BANK1: variants seen among roughly 807,000 people sequenced by gnomAD.
BANK1 encodes B-cell scaffold protein with ankyrin repeats.
In BANK1, 95 loss-of-function variants were observed where a neutral mutation model predicts 94.5. The observed-to-expected ratio is 1.00, with a 90% CI of 0.85 to 1.19. The LOEUF (loss-of-function observed/expected upper bound fraction) is 1.19, where lower values mean the gene tolerates loss of function less well. Among genes scored for constraint, BANK1 ranks in the 50% most tolerant of loss-of-function variants. The pLI, the probability that BANK1 is intolerant of heterozygous loss-of-function variation, is 0.00. For synonymous variants in BANK1, 334 were observed against 308.4 expected (o/e 1.08, Z -0.87); for missense variants, 987 against 932.2 (o/e 1.06, Z -0.77).
intron 1 of BANK1, among the ~76,000 whole-genome samples, chr4:101,822,897 G>A (rs1296465827): frequency 6.6e-6 from 1 of 152,090 alleles, no homozygotes; most frequent in Non-Finnish European, 1.5e-5. Flanking sequence ...TTACACATAT[G>A]AGCCACCGCG....
chr4:102,051,328 T>C (rs922324227), intron 11 of BANK1, among the ~76,000 whole-genome samples: 1 of 152,206 alleles, frequency 6.6e-6, no homozygotes, highest in African/African-American at 2.4e-5. Context: ...CATTTCCATT[T>C]GTCATATTGC....
intron 10 of BANK1, among the ~76,000 whole-genome samples, chr4:102,039,895 A>G (rs938670952): frequency 3.9e-5 from 6 of 152,116 alleles, no homozygotes; most frequent in African/African-American, 1.4e-4. Context: ...AAGCATTATC[A>G]TCAATGATAG....
At chr4:101,953,555 T>C (rs1458279621) in intron 7 of BANK1, among the ~76,000 whole-genome samples, 3 of 151,550 alleles carry the variant, frequency 2.0e-5, no homozygotes. Context: ...AAAAAAAAAA[T>C]CAAGTGTTTC....
At chr4:102,042,644 A>G (rs1052934682) in intron 10 of BANK1, among the ~76,000 whole-genome samples, 7 of 152,054 alleles carry the variant, frequency 4.6e-5, no homozygotes, top group East Asian at 1.9e-4. Flanking sequence ...AAAGACAGAA[A>G]TCTAGGATAA....
intron 7 of BANK1, among the ~76,000 whole-genome samples, chr4:102,009,631 C>G (rs1359264395): frequency 2.0e-5 from 3 of 152,190 alleles, no homozygotes; most frequent in Non-Finnish European, 2.9e-5. Context: ...CTAAAAGATA[C>G]TAGCTGTATA....
chr4:101,960,604 G>T (rs1307328018), intron 7 of BANK1, among the ~76,000 whole-genome samples: 3 of 152,030 alleles, frequency 2.0e-5, no homozygotes, highest in Non-Finnish European at 4.4e-5. Flanking sequence ...AAGGGAAATT[G>T]TTTTTAACTG....
Position 101,855,852 on chromosome 4 carries a change from G to T in BANK1, c.624+663G>T, listed in dbSNP as rs567645407. 4.9e-4 allele frequency among the ~76,000 whole-genome samples: 75 copies of T among 152,286 alleles called. 2 individuals carry two copies. The highest frequency in any genetic ancestry group is 3.1e-3 in the Admixed American group (48 of 15,306). Reference sequence around the variant, plus strand: ...CCTTCAGGAAATAAGAGTATAATGTGGGGGGATGATTTCTGGGCAGGTGAC... The same window carrying T: ...CCTTCAGGAAATAAGAGTATAATGTTGGGGGATGATTTCTGGGCAGGTGAC... On this transcript the variant is annotated intron_variant, in intron 3 of 16. Transcript: ENST00000322953.
chr4:101,926,859 T>G (rs1723169371), intron 7 of BANK1, among the ~76,000 whole-genome samples: 1 of 151,752 alleles, frequency 6.6e-6, no homozygotes, highest in Non-Finnish European at 1.5e-5. Context: ...GGGCAAAGGC[T>G]CTGGTAGGAT....
chr4:101,986,813 A>ATATATATGTGTATATATATG (rs1399575960), intron 7 of BANK1, among the ~76,000 whole-genome samples: 13 of 140,248 alleles, frequency 9.3e-5, no homozygotes, highest in Non-Finnish European at 1.5e-4. Flanking sequence ...ATATATATGT[A>ATATATATGTGTATATATATG]TATATATGTG....
chr4:101,903,498 G>A (rs1722348801), intron 6 of BANK1, among the ~76,000 whole-genome samples: 1 of 152,108 alleles, frequency 6.6e-6, no homozygotes, highest in Non-Finnish European at 1.5e-5. Flanking sequence ...TCATGTTCTT[G>A]GACAATAACA....
chr4:101,870,000 A>C (rs1728224576), intron 4 of BANK1, among the ~76,000 whole-genome samples: 1 of 151,964 alleles, frequency 6.6e-6, no homozygotes, highest in African/African-American at 2.4e-5. Flanking sequence ...CAGGGGATTA[A>C]ACCTTGCCTT....
intron 1 of BANK1, among the ~76,000 whole-genome samples, chr4:101,792,906 G>A (rs537514030): frequency 2.6e-5 from 4 of 152,222 alleles, no homozygotes; most frequent in African/African-American, 9.6e-5. Context: ...TAGTTAGAAT[G>A]TATTTTCTGG....
chr4:102,007,146 T>TATATATATATATATATA lies in BANK1; in HGVS notation c.1207-14368_1207-14367insATATATATATATATATA, dbSNP rs1560682317. 3.6e-3 allele frequency among the ~76,000 whole-genome samples: 136 copies of TATATATATATATATATA among 37,930 alleles called. 1 individual carries two copies. The highest frequency in any genetic ancestry group is 0.014 in the Middle Eastern group (1 of 70). 24.9% of individuals were successfully genotyped at this position (37,930 alleles called of 152,430 possible). A position where few individuals can be genotyped will look rare whatever the true frequency, so the allele number is the denominator to read the frequency against. On this transcript the variant is annotated intron_variant, in intron 7 of 16. Coordinates refer to ENST00000322953, the MANE Select transcript of BANK1 (RefSeq NM_017935.5). Reference sequence around the variant, plus strand: ...TTTATATATATATAAAAAATATATTTTATATATATATATATATATATATAA... The same window carrying TATATATATATATATATA: ...TTTATATATATATAAAAAATATATTTATATATATATATATATATATATATATATATATATATATATAA...
chr4:101,863,631 T>C (rs1727962896), intron 4 of BANK1, among the ~76,000 whole-genome samples: 1 of 152,140 alleles, frequency 6.6e-6, no homozygotes, highest in Non-Finnish European at 1.5e-5. Flanking sequence ...GAAGTTGGAT[T>C]ATAAGAAGGA....
chr4:101,919,833 C>A (rs1330998287), intron 7 of BANK1, among the ~76,000 whole-genome samples: 1 of 151,778 alleles, frequency 6.6e-6, no homozygotes, highest in African/African-American at 2.4e-5. Flanking sequence ...TCTGTCAATG[C>A]GTTTTCATGA....
At chr4:101,811,778 AC>A (rs1333738103) in intron 1 of BANK1, among the ~76,000 whole-genome samples, 1 of 152,094 alleles carries the variant, frequency 6.6e-6, no homozygotes, top group Non-Finnish European at 1.5e-5. Flanking sequence ...CCAAGACAAT[AC>A]TTTTACATGA....
At chr4:101,891,309 C>A (rs1378391521) in intron 5 of BANK1, among the ~76,000 whole-genome samples, 1 of 152,082 alleles carries the variant, frequency 6.6e-6, no homozygotes, top group African/African-American at 2.4e-5. Context: ...TAACACTTGA[C>A]AAATATTTTG....
chr4:101,859,989 G>A (rs1416522824), intron 3 of BANK1, among the ~76,000 whole-genome samples: 4 of 152,142 alleles, frequency 2.6e-5, no homozygotes, highest in South Asian at 2.1e-4. Context: ...TGGATATGCA[G>A]TGCTTTAGTG....
intron 7 of BANK1, among the ~76,000 whole-genome samples, chr4:102,000,991 C>A (rs1726048992): frequency 6.6e-6 from 1 of 152,116 alleles, no homozygotes; most frequent in Non-Finnish European, 1.5e-5. Context: ...TCTAAATGAT[C>A]TGAGCCGTCA....
Sources: gnomAD v4.1 joint callset for allele counts (sites outside exome capture counted in the v4.1 genomes callset) on GRCh38, gnomAD v4.1.1 for gene constraint, MANE v1.5 for transcripts, NCBI Gene and HGNC (gene_info 2026-07-23, HGNC 2026-07-21) for gene names.